Variants in VRK2 observed in about 807,000 individuals in gnomAD.
VRK2 encodes the protein VRK serine/threonine kinase 2.
A neutral mutation model predicts 57.6 loss-of-function variants in VRK2; 60 were observed. That is an observed-to-expected ratio of 1.04 (90% CI 0.85 to 1.29). The LOEUF (loss-of-function observed/expected upper bound fraction) is 1.29, where lower values mean the gene tolerates loss of function less well. VRK2 is among the 50% of genes most tolerant of loss of function. VRK2 has a pLI of 0.00. For missense variants in VRK2, 705 were observed against 588.1 expected, an observed-to-expected ratio of 1.20 and a Z score of -2.06; for synonymous variants, 231 against 199.2, an observed-to-expected ratio of 1.16 and a Z score of -1.35.
intron 7 of VRK2, among the ~76,000 whole-genome samples, chr2:58,114,667 A>G (rs913160759): frequency 1.6e-4 from 25 of 151,668 alleles, no homozygotes; most frequent in African/African-American, 6.1e-4. Flanking sequence ...TTGAAGACGG[A>G]GGACCATAAG....
At chr2:57,986,316 G>A (rs907119074) in intron 1 of VRK2, among the ~76,000 whole-genome samples, 10 of 151,884 alleles carry the variant, frequency 6.6e-5, no homozygotes, top group African/African-American at 2.2e-4. Context: ...TTAAATGTCA[G>A]CTTCTTCAAA....
intron 1 of VRK2, among the ~76,000 whole-genome samples, chr2:58,023,490 T>A (rs1398218901): frequency 6.6e-6 from 1 of 152,156 alleles, no homozygotes; most frequent in African/African-American, 2.4e-5. Context: ...TATATATGTA[T>A]ATATATATCT....
At chr2:58,105,712 A>C (rs1674652383) in intron 7 of VRK2, among the ~76,000 whole-genome samples, 1 of 151,868 alleles carries the variant, frequency 6.6e-6, no homozygotes, top group Non-Finnish European at 1.5e-5. Context: ...TGTAAATTAA[A>C]TGAATTAACA....
chr2:57,975,054 T>C (rs1368781074), intron 1 of VRK2, among the ~76,000 whole-genome samples: 2 of 151,978 alleles, frequency 1.3e-5, no homozygotes, highest in Non-Finnish European at 2.9e-5. Flanking sequence ...AGAGATTACA[T>C]GTTATTTATT....
Position 58,059,816 on chromosome 2 carries a change from A to G in VRK2, c.136+10849A>G, listed in dbSNP as rs987845637. Among the ~76,000 whole-genome samples the G allele has an allele frequency of 3.3e-5, 5 of 151,816 alleles. No homozygotes were observed. The South Asian group carries it at 8.3e-4, about 25-fold the overall frequency. ...ATTACAATGCAAGATTTTATACTAG[A>G]ATACTTTTTTATTTGGTGTATATAT... On this transcript the variant is annotated intron_variant, in intron 2 of 12. Transcript: ENST00000340157.
At chr2:58,148,997 T>C (rs1295714730) in intron 12 of VRK2, among the ~76,000 whole-genome samples, 2 of 151,800 alleles carry the variant, frequency 1.3e-5, no homozygotes, top group Non-Finnish European at 3.0e-5. Context: ...CTCCATAAAA[T>C]TTAAGAAGCA....
At chr2:58,031,711 T>C (rs1318176624) in intron 2 of VRK2, among the ~76,000 whole-genome samples, 1 of 152,084 alleles carries the variant, frequency 6.6e-6, no homozygotes, top group Non-Finnish European at 1.5e-5. Context: ...TTTTCTGGAC[T>C]TTCAGAGGCT....
chr2:58,139,551 T>A (rs1476520004), intron 10 of VRK2, 115 bp from the exon 11 acceptor site: 1 of 852,584 alleles, frequency 1.2e-6, no homozygotes, highest in African/African-American at 1.7e-5. Context: ...ATTTTTAGTT[T>A]CTTCAGGAGA....
intron 1 of VRK2, among the ~76,000 whole-genome samples, chr2:57,972,541 A>T (rs1234574295): frequency 6.6e-6 from 1 of 151,924 alleles, no homozygotes; most frequent in Non-Finnish European, 1.5e-5. Flanking sequence ...ACTATATTTT[A>T]AAATCTCTTG....
At chr2:58,073,240 AGT>A (rs1170260677) in intron 2 of VRK2, among the ~76,000 whole-genome samples, 1 of 152,066 alleles carries the variant, frequency 6.6e-6, no homozygotes, top group Non-Finnish European at 1.5e-5. Context: ...TTTCTGTCTT[AGT>A]GAATATACTA....
chr2:58,137,943 A>G (rs936272175), intron 10 of VRK2, among the ~76,000 whole-genome samples: 4 of 152,216 alleles, frequency 2.6e-5, no homozygotes, highest in African/African-American at 9.6e-5. Flanking sequence ...TAATAAATTT[A>G]TAATGGAAAT....
intron 2 of VRK2, among the ~76,000 whole-genome samples, chr2:58,028,917 T>TATAC (rs1674028168): frequency 8.1e-6 from 1 of 123,592 alleles, no homozygotes; most frequent in Non-Finnish European, 1.7e-5. Context: ...TATATATATA[T>TATAC]ATATATATAT....
chr2:58,010,939 T>C (rs2103647228), intron 1 of VRK2, among the ~76,000 whole-genome samples: 1 of 152,324 alleles, frequency 6.6e-6, no homozygotes, highest in South Asian at 2.1e-4. Context: ...TTTTAATATA[T>C]TAACAACCTT....
At chr2:58,009,941 T>C (rs6719889) in intron 1 of VRK2, among the ~76,000 whole-genome samples, 52,153 of 151,836 alleles carry the variant, frequency 0.34, 13,783 homozygotes, top group African/African-American at 0.75. Flanking sequence ...TATTCCAGTG[T>C]CCAATACTTA....
chr2:57,925,822 T>C (rs1016223228), intron 1 of VRK2, among the ~76,000 whole-genome samples: 19 of 151,884 alleles, frequency 1.3e-4, no homozygotes, highest in Non-Finnish European at 1.2e-4. Context: ...TATTGTTAGG[T>C]TGTTCATTTG....
At chr2:57,958,581 C>T (rs558050761) in intron 1 of VRK2, among the ~76,000 whole-genome samples, 3 of 151,452 alleles carry the variant, frequency 2.0e-5, no homozygotes, top group South Asian at 2.1e-4. Context: ...AAATAATAAC[C>T]GATTTTTATT....
At chr2:58,127,074 T>A (rs1678469450) in intron 8 of VRK2, among the ~76,000 whole-genome samples, 2 of 152,114 alleles carry the variant, frequency 1.3e-5, no homozygotes, top group African/African-American at 4.8e-5. Flanking sequence ...AAATATGATA[T>A]CTAAATTGTA....
chr2:57,921,432 C>G (rs1202804360), intron 1 of VRK2, among the ~76,000 whole-genome samples: 1 of 151,896 alleles, frequency 6.6e-6, no homozygotes, highest in Non-Finnish European at 1.5e-5. Flanking sequence ...GGAGTGATAG[C>G]CTTGTGTGGA....
At chr2:58,097,036 GT>G (rs1346146299) in intron 7 of VRK2, among the ~76,000 whole-genome samples, 1 of 151,936 alleles carries the variant, frequency 6.6e-6, no homozygotes, top group Non-Finnish European at 1.5e-5. Flanking sequence ...TTTATAATAA[GT>G]TTACTCTTTG....
Sources: gnomAD v4.1 joint callset for allele counts (sites outside exome capture counted in the v4.1 genomes callset) on GRCh38, gnomAD v4.1.1 for gene constraint, MANE v1.5 for transcripts, NCBI Gene and HGNC (gene_info 2026-07-23, HGNC 2026-07-21) for gene names.